KLHL6: variants seen among roughly 807,000 people sequenced by gnomAD.
The protein encoded by KLHL6 is kelch like family member 6.
Under a neutral mutation model 58.6 loss-of-function variants are expected in KLHL6, and 41 were observed. The observed-to-expected ratio is 0.70, with a 90% CI of 0.55 to 0.91. The LOEUF is 0.91. Ranked by LOEUF, KLHL6 falls within the 40% of genes least tolerant of loss-of-function variation. The probability of loss-of-function intolerance (pLI) is 0.00; values close to 1 mark genes in which losing one functional copy is unlikely to be tolerated. For missense variants in KLHL6, 714 were observed against 805.6 expected, an observed-to-expected ratio of 0.89 and a Z score of 1.38; for synonymous variants, 338 against 322.7, an observed-to-expected ratio of 1.05 and a Z score of -0.51.
At chr3:183,495,668 A>G (rs1717695068) in intron 4 of KLHL6, among the ~76,000 whole-genome samples, 1 of 152,122 alleles carries the variant, frequency 6.6e-6, no homozygotes, top group African/African-American at 2.4e-5. Context: ...AGGTTAATCT[A>G]TATACTCAGT....
chr3:183,519,680 A>T (rs1329060929), intron 2 of KLHL6, among the ~76,000 whole-genome samples: 1 of 151,992 alleles, frequency 6.6e-6, no homozygotes, highest in East Asian at 1.9e-4. Flanking sequence ...TGAGGCAAGG[A>T]GTTCAAGACC....
chr3:183,511,033 C>G (rs1718169644), intron 2 of KLHL6, among the ~76,000 whole-genome samples: 1 of 152,050 alleles, frequency 6.6e-6, no homozygotes, highest in Non-Finnish European at 1.5e-5. Flanking sequence ...AACAGTGGGC[C>G]CAGGGGACCA....
At chr3:183,532,735 G>A (rs1712202387) in intron 1 of KLHL6, among the ~76,000 whole-genome samples, 1 of 152,200 alleles carries the variant, frequency 6.6e-6, no homozygotes, top group African/African-American at 2.4e-5. Context: ...TGAAACAATG[G>A]TCTGGAAAGA....
chr3:183,548,699 ATGT>A (rs1194221520), intron 1 of KLHL6: 1 of 152,216 alleles, frequency 6.6e-6, no homozygotes, highest in Admixed American at 6.5e-5. Context: ...CCACATGTAG[ATGT>A]TGTAATCCTG....
At chr3:183,515,108 A>G (rs1429908077) in intron 2 of KLHL6, among the ~76,000 whole-genome samples, 3 of 152,198 alleles carry the variant, frequency 2.0e-5, no homozygotes, top group Non-Finnish European at 2.9e-5. Flanking sequence ...GGGACAGGTG[A>G]GTTACTCCCT....
chr3:183,525,849 T>C (rs769119657), intron 2 of KLHL6, among the ~76,000 whole-genome samples: 1 of 152,098 alleles, frequency 6.6e-6, no homozygotes. Context: ...TGTGCCTACG[T>C]TGTGTTAGAA....
chr3:183,504,136 T>C (rs1560094335), intron 3 of KLHL6, among the ~76,000 whole-genome samples: 2 of 152,284 alleles, frequency 1.3e-5, no homozygotes, highest in South Asian at 4.1e-4. Flanking sequence ...AGGAAAATGA[T>C]TGATTGTGAG....
chr3:183,541,222 C>T (rs1234644384), intron 1 of KLHL6, among the ~76,000 whole-genome samples: 1 of 152,210 alleles, frequency 6.6e-6, no homozygotes, highest in East Asian at 1.9e-4. Flanking sequence ...ATCCTATGTG[C>T]GTTCTAGGCT....
At chr3:183,493,996 C>T (rs1717641839) in intron 5 of KLHL6, 83 bp downstream of exon 5, 5 of 1,272,940 alleles carry the variant, frequency 3.9e-6, no homozygotes, top group Non-Finnish European at 4.6e-6. Context: ...AGCTGACCAC[C>T]ACGGCAGGCA....
intron 2 of KLHL6, among the ~76,000 whole-genome samples, chr3:183,526,485 G>C (rs1368585567): frequency 6.6e-6 from 1 of 152,094 alleles, no homozygotes; most frequent in Non-Finnish European, 1.5e-5. Flanking sequence ...ATAGATATTT[G>C]GAAGCCCACA....
At chr3:183,496,989 A>G (rs529616550) in intron 4 of KLHL6, among the ~76,000 whole-genome samples, 1 of 151,428 alleles carries the variant, frequency 6.6e-6, no homozygotes, top group East Asian at 2.0e-4. Flanking sequence ...AATACAAAAA[A>G]AAAATTGGGC....
chr3:183,521,994 T>C (rs62287218), intron 2 of KLHL6, among the ~76,000 whole-genome samples: 75,519 of 148,128 alleles, frequency 0.51, 19,817 homozygotes, highest in Non-Finnish European at 0.58. Flanking sequence ...CGTGCCTGGC[T>C]AGACTTACAT....
chr3:183,530,830 A>ATT lies in KLHL6; in HGVS notation c.294-2822_294-2821dup, dbSNP rs35902105. On this transcript the variant is annotated intron_variant, in intron 1 of 6. Coordinates refer to ENST00000341319, the MANE Select transcript of KLHL6 (RefSeq NM_130446.4). ...ATGAGGTACTCAGCTGTGAACATGC[A>ATT]TTTTTTTTTTTTTTTTTTTGAGACA... 7.3e-5 allele frequency among the ~76,000 whole-genome samples: 9 copies of ATT among 123,964 alleles called. No homozygotes were observed. In the South Asian group the frequency reaches 1.0e-3, roughly 14 times the overall value. 81.3% of individuals were successfully genotyped at this position (123,964 alleles called of 152,430 possible).
At chr3:183,507,756 G>A (rs1041417313) in intron 3 of KLHL6, among the ~76,000 whole-genome samples, 5 of 152,084 alleles carry the variant, frequency 3.3e-5, no homozygotes, top group South Asian at 2.1e-4. Flanking sequence ...TTGTTTGTGC[G>A]TGCAGTGTGA....
At chr3:183,495,252 T>C (rs1178916074) in intron 4 of KLHL6, among the ~76,000 whole-genome samples, 1 of 152,226 alleles carries the variant, frequency 6.6e-6, no homozygotes, top group African/African-American at 2.4e-5. Flanking sequence ...TCCGCAGCTG[T>C]GGTGGTTGAC....
chr3:183,526,982 C>A (rs1195883969), intron 2 of KLHL6, among the ~76,000 whole-genome samples: 2 of 151,734 alleles, frequency 1.3e-5, no homozygotes, highest in African/African-American at 4.8e-5. Context: ...ACCTGTAGTC[C>A]CAGCTACTTG....
chr3:183,541,344 G>A (rs1712545284), intron 1 of KLHL6, among the ~76,000 whole-genome samples: 1 of 152,214 alleles, frequency 6.6e-6, no homozygotes, highest in Non-Finnish European at 1.5e-5. Flanking sequence ...TCCTCCAGCT[G>A]GGGATGGGGA....
At chr3:183,506,829 AAAATAAATAAATAAATAAAT>A (rs144672351) in intron 3 of KLHL6, among the ~76,000 whole-genome samples, 35 of 143,810 alleles carry the variant, frequency 2.4e-4, no homozygotes, top group Middle Eastern at 3.5e-3. Context: ...CCTCCTCTCA[AAAATAAATAAATAAATAAAT>A]AAATAAATAA....
In KLHL6 at chr3:183,534,114, T is replaced by G. The variant is rs981954337; in HGVS notation, c.294-6104A>C. On this transcript the variant is annotated intron_variant, in intron 1 of 6. Coordinates refer to ENST00000341319, the MANE Select transcript of KLHL6 (RefSeq NM_130446.4). ...ACTTTTAAAGTACTTTAAAAGTACT[T>G]TACTTTTAAAGTACTTTGTACTTTT... Among the ~76,000 whole-genome samples, 203 of 126,290 alleles carry G rather than the reference T, an allele frequency of 1.6e-3. 2 individuals carry two copies. Among genetic ancestry groups the G allele is most frequent in the African/African-American group, 6.0e-3 (177 of 29,272 alleles). The allele number at this position is 126,290 out of a possible 152,430, so 82.9% of individuals were successfully genotyped here.
Sources: allele counts gnomAD v4.1 joint callset (sites outside exome capture counted in the v4.1 genomes callset), GRCh38; gene constraint gnomAD v4.1.1; transcripts MANE v1.5; gene names NCBI Gene and HGNC (gene_info 2026-07-23, HGNC 2026-07-21).